The following ITGA2 variants were observed in gnomAD, a reference collection of about 807,000 sequenced individuals.
ITGA2 encodes integrin alpha-2.
A neutral mutation model predicts 146.3 loss-of-function variants in ITGA2; 101 were observed. The ratio of observed to expected loss-of-function variants is 0.69; its 90% CI spans 0.59 to 0.81. The LOEUF (loss-of-function observed/expected upper bound fraction) is 0.81, where lower values mean the gene tolerates loss of function less well. ITGA2 is among the 40% of genes least tolerant of loss of function. The probability of loss-of-function intolerance (pLI) is 0.00; values close to 1 mark genes in which losing one functional copy is unlikely to be tolerated. For synonymous variants in ITGA2, 477 were observed against 487.1 expected (o/e 0.98, Z 0.27); for missense variants, 1,281 against 1,402.7 (o/e 0.91, Z 1.39).
In ITGA2 at chr5:53,082,842, C is replaced by A. The variant is rs3212622; in HGVS notation, c.3145-498C>A. 1.3e-3 allele frequency among the ~76,000 whole-genome samples: 199 copies of A among 152,256 alleles called. 1 individual carries two copies. The highest frequency in any genetic ancestry group is 4.6e-3 in the African/African-American group (190 of 41,534). ...TATGTGCTCTGCTTATTCATCCTGC[C>A]CGCCCCACTAGCCCTTGGAACCACT... is the stretch of plus-strand genomic sequence containing the variant. On this transcript the variant is annotated intron_variant, in intron 26 of 29. Transcript: ENST00000296585.
At chr5:53,074,498 TC>T in intron 21 of ITGA2, 21 bp downstream of exon 21, 1 of 1,573,332 alleles carries the variant, frequency 6.4e-7, no homozygotes, top group Non-Finnish European at 8.7e-7. Flanking sequence ...CATTTCATCC[TC>T]CAATCCATAC....
At chr5:53,051,913 G>A (rs1398150757) in intron 7 of ITGA2, among the ~76,000 whole-genome samples, 1 of 152,080 alleles carries the variant, frequency 6.6e-6, no homozygotes, top group African/African-American at 2.4e-5. Flanking sequence ...TTGAGCTCAT[G>A]GATCACTTGG....
intron 16 of ITGA2, among the ~76,000 whole-genome samples, chr5:53,068,380 C>G (rs1453075801): frequency 1.3e-5 from 2 of 151,886 alleles, no homozygotes; most frequent in Non-Finnish European, 2.9e-5. Context: ...AAAACCGTTG[C>G]TGCATAAACA....
intron 1 of ITGA2, among the ~76,000 whole-genome samples, chr5:53,018,475 G>T (rs1175842881): frequency 1.3e-5 from 2 of 152,018 alleles, no homozygotes; most frequent in Non-Finnish European, 2.9e-5. Flanking sequence ...GCAGCCTCGT[G>T]TAGGGCTCCT....
chr5:52,997,065 G>A (rs1048812365), intron 1 of ITGA2, among the ~76,000 whole-genome samples: 1 of 152,140 alleles, frequency 6.6e-6, no homozygotes, highest in Non-Finnish European at 1.5e-5. Context: ...TTATATTCAA[G>A]TGTTTTATCC....
chr5:53,088,828 G>T, intron 28 of ITGA2, among the ~76,000 whole-genome samples: 1 of 152,006 alleles, frequency 6.6e-6, no homozygotes, highest in East Asian at 1.9e-4. Context: ...TTTTGAATAA[G>T]GTATGTAACC....
intron 23 of ITGA2, among the ~76,000 whole-genome samples, chr5:53,078,536 A>G (rs551943183): frequency 6.6e-6 from 1 of 152,298 alleles, no homozygotes; most frequent in East Asian, 1.9e-4. Context: ...TGTAATGCAC[A>G]AACTCTTAGC....
At chr5:53,017,842 TG>T in intron 1 of ITGA2, among the ~76,000 whole-genome samples, 1 of 151,694 alleles carries the variant, frequency 6.6e-6, no homozygotes, top group Non-Finnish European at 1.5e-5. Context: ...AAAGCAGTGT[TG>T]GGGGGATGTG....
At chr5:53,083,531 A>G (rs1413848124) in intron 27 of ITGA2, 78 bp downstream of exon 27, 1 of 918,250 alleles carries the variant, frequency 1.1e-6, no homozygotes, top group African/African-American at 1.6e-5. Context: ...TTCCCCTTTG[A>G]CAAAATAAGT....
chr5:53,013,191 G>T (rs1033031641), intron 1 of ITGA2, among the ~76,000 whole-genome samples: 3 of 151,924 alleles, frequency 2.0e-5, no homozygotes, highest in African/African-American at 7.3e-5. Context: ...TGTTCGGAAT[G>T]GTATTTCCTT....
At chr5:53,006,752 A>G (rs1741877184) in intron 1 of ITGA2, among the ~76,000 whole-genome samples, 1 of 152,174 alleles carries the variant, frequency 6.6e-6, no homozygotes, top group Non-Finnish European at 1.5e-5. Context: ...CTCCCTGTGC[A>G]CTTCCCTTCC....
rs188172306 is a variant in ITGA2, at chr5:52,990,006, T to C, written c.64+474T>C. ...GGCGGCCTGCAGCTCCCCAGCGCGG[T>C]GCTTGCTGGCTTTGCAGAAGCCTGC... On this transcript the variant is annotated intron_variant, in intron 1 of 29. Coordinates refer to ENST00000296585, the MANE Select transcript of ITGA2 (RefSeq NM_002203.4). 1.4e-3 allele frequency: 269 copies of C among 188,968 alleles called. 3 individuals carry two copies. The highest frequency in any genetic ancestry group is 5.8e-3 in the African/African-American group (250 of 43,384). 11.7% of individuals were successfully genotyped at this position (188,968 alleles called of 1,614,324 possible). A position where few individuals can be genotyped will look rare whatever the true frequency, so the allele number is the denominator to read the frequency against.
At chr5:53,061,173 G>A in intron 12 of ITGA2, 127 bp downstream of exon 12, 1 of 885,372 alleles carries the variant, frequency 1.1e-6, no homozygotes, top group Non-Finnish European at 1.9e-6. Flanking sequence ...TGTAATCTGA[G>A]TTTACTTAGT....
chr5:53,071,806 T>C (rs1434814244), intron 17 of ITGA2, 132 bp from the exon 18 acceptor site: 2 of 717,226 alleles, frequency 2.8e-6, no homozygotes, highest in Non-Finnish European at 5.1e-6. Context: ...AACAAAGATA[T>C]TCTACATAAT....
intron 6 of ITGA2, among the ~76,000 whole-genome samples, chr5:53,049,304 G>A (rs1234732399): frequency 6.6e-6 from 1 of 152,152 alleles, no homozygotes; most frequent in Non-Finnish European, 1.5e-5. Flanking sequence ...GAGCCACCAT[G>A]CCCGGCCAGG....
In ITGA2 at chr5:53,055,661, T is replaced by C. The variant is rs1744595654; in HGVS notation, c.903T>C (p.His301=). ...MLKAVIDQCN[H]DNILRFGIAV... is the part of the protein sequence containing the mutation. ...AAGCTGTGATTGATCAATGCAACCATGACAATATACTGAGGTTTGGCATAG... is the reference window on the plus strand; with the variant it reads ...AAGCTGTGATTGATCAATGCAACCACGACAATATACTGAGGTTTGGCATAG... Residue 301 remains histidine (H), a synonymous_variant, in exon 8 of 30, where the codon CAT becomes CAC. Coordinates refer to ENST00000296585, the MANE Select transcript of ITGA2 (RefSeq NM_002203.4). 1 of 1,613,348 alleles carries C rather than the reference T, an allele frequency of 6.2e-7. No individual in the cohort carries two copies. The highest frequency in any genetic ancestry group is 8.5e-7 in the Non-Finnish European group (1 of 1,179,460).
chr5:53,005,933 A>T (rs1044787866), intron 1 of ITGA2, among the ~76,000 whole-genome samples: 2 of 152,170 alleles, frequency 1.3e-5, no homozygotes, highest in African/African-American at 4.8e-5. Flanking sequence ...CAGCTTAAAA[A>T]ATGCTGTACA....
chr5:53,017,394 G>A (rs1318281721), intron 1 of ITGA2, among the ~76,000 whole-genome samples: 1 of 152,220 alleles, frequency 6.6e-6, no homozygotes, highest in African/African-American at 2.4e-5. Context: ...TAACTCTGAG[G>A]AACTGGCATT....
At chr5:53,037,318 GT>G (rs1386579489) in intron 2 of ITGA2, among the ~76,000 whole-genome samples, 1 of 152,190 alleles carries the variant, frequency 6.6e-6, no homozygotes, top group Non-Finnish European at 1.5e-5. Context: ...TTGGGATTTT[GT>G]TTTGTTTTGA....
Sources: allele counts gnomAD v4.1 joint callset (sites outside exome capture counted in the v4.1 genomes callset), GRCh38; gene constraint gnomAD v4.1.1; transcripts MANE v1.5; gene names NCBI Gene and HGNC (gene_info 2026-07-23, HGNC 2026-07-21).